The following PTPRT variants were observed in gnomAD, a reference collection of about 807,000 sequenced individuals.
PTPRT encodes receptor-type tyrosine-protein phosphatase T.
In PTPRT, 56 loss-of-function variants were observed where a neutral mutation model predicts 176.8. The ratio of observed to expected loss-of-function variants is 0.32; its 90% CI spans 0.26 to 0.40. The LOEUF (loss-of-function observed/expected upper bound fraction) is 0.40, where lower values mean the gene tolerates loss of function less well. Ranked by LOEUF, PTPRT falls within the 10% of genes least tolerant of loss-of-function variation. The pLI is 1.00. For missense variants in PTPRT, 1,540 were observed against 1,908.2 expected, an observed-to-expected ratio of 0.81 and a Z score of 3.60; for synonymous variants, 783 against 739.0, an observed-to-expected ratio of 1.06 and a Z score of -0.96.
At chr20:42,756,921 C>T (rs1203889953) in intron 5 of PTPRT, among the ~76,000 whole-genome samples, 2 of 151,958 alleles carry the variant, frequency 1.3e-5, no homozygotes, top group Non-Finnish European at 2.9e-5. Flanking sequence ...CATGGTGGCA[C>T]TCATCTTCAG....
the PTPRT span, among the ~76,000 whole-genome samples, chr20:42,065,740 T>C: frequency 6.6e-6 from 1 of 152,204 alleles, no homozygotes; most frequent in Admixed American, 6.5e-5. Context: ...CTCCAGCTAA[T>C]TACAAGGAGG....
At chr20:42,379,449 C>T (rs547152121) in intron 9 of PTPRT, among the ~76,000 whole-genome samples, 1 of 152,224 alleles carries the variant, frequency 6.6e-6, no homozygotes, top group South Asian at 2.1e-4. Flanking sequence ...TAATCATCAT[C>T]TCATGGGGAG....
intron 2 of PTPRT, among the ~76,000 whole-genome samples, chr20:42,864,340 G>C (rs1259534940): frequency 6.6e-6 from 1 of 152,196 alleles, no homozygotes; most frequent in Non-Finnish European, 1.5e-5. Flanking sequence ...AGAGAGAGGA[G>C]GGGAGAGGGG....
At chr20:42,811,093 C>T (rs932412165) in intron 2 of PTPRT, among the ~76,000 whole-genome samples, 1 of 152,020 alleles carries the variant, frequency 6.6e-6, no homozygotes, top group Non-Finnish European at 1.5e-5. Flanking sequence ...ATTTGCTTTC[C>T]CTTTTTATTT....
At chr20:42,393,067 A>G (rs2058816103) in intron 9 of PTPRT, among the ~76,000 whole-genome samples, 1 of 152,170 alleles carries the variant, frequency 6.6e-6, no homozygotes, top group Non-Finnish European at 1.5e-5. Context: ...AGCAAGATCT[A>G]TTTTGTAACG....
At chr20:42,071,854 T>A (rs1251212540), downstream of PTPRT, among the ~76,000 whole-genome samples, 1 of 151,788 alleles carries the variant, frequency 6.6e-6, no homozygotes, top group Non-Finnish European at 1.5e-5. Context: ...AGATAAGGTC[T>A]CATTATGTTG....
chr20:43,003,497 C>T (rs768691976), intron 1 of PTPRT, among the ~76,000 whole-genome samples: 7 of 152,218 alleles, frequency 4.6e-5, no homozygotes, highest in Non-Finnish European at 7.3e-5. Context: ...AAACCACGCC[C>T]AGCCTCTTGT....
intron 7 of PTPRT, among the ~76,000 whole-genome samples, chr20:42,613,097 T>G (rs1210977419): frequency 1.3e-5 from 2 of 152,226 alleles, no homozygotes; most frequent in African/African-American, 2.4e-5. Context: ...AGCAAAAACT[T>G]TTTTTGAAAA....
intron 15 of PTPRT, among the ~76,000 whole-genome samples, chr20:42,215,204 A>T (rs1187202459): frequency 1.3e-5 from 2 of 152,104 alleles, no homozygotes; most frequent in African/African-American, 4.8e-5. Flanking sequence ...TGGGTTGGGG[A>T]GATGGCCCCT....
At chr20:42,232,121 C>G (rs1162435801) in intron 15 of PTPRT, among the ~76,000 whole-genome samples, 4 of 152,198 alleles carry the variant, frequency 2.6e-5, no homozygotes, top group African/African-American at 9.7e-5. Flanking sequence ...CCTATATACC[C>G]AGAACCTTGT....
intron 19 of PTPRT, among the ~76,000 whole-genome samples, chr20:42,124,071 GACC>G (rs969461781): frequency 2.6e-5 from 4 of 152,142 alleles, no homozygotes; most frequent in Non-Finnish European, 4.4e-5. Flanking sequence ...TGAGTAAAGA[GACC>G]CTCCTTGGCT....
the PTPRT span, among the ~76,000 whole-genome samples, chr20:42,042,086 C>T: frequency 1.3e-5 from 2 of 152,162 alleles, no homozygotes; most frequent in Non-Finnish European, 2.9e-5. Context: ...TGGCTTCATC[C>T]AGCTATTACT....
chr20:42,400,193 TG>T (rs3092420), intron 9 of PTPRT, among the ~76,000 whole-genome samples: 55,569 of 151,972 alleles, frequency 0.37, 10,989 homozygotes, highest in Admixed American at 0.5. Context: ...AACTGATCAT[TG>T]ATTTTTAAGG....
intron 7 of PTPRT, among the ~76,000 whole-genome samples, chr20:42,486,376 C>T (rs2071464507): frequency 6.6e-6 from 1 of 152,212 alleles, no homozygotes; most frequent in African/African-American, 2.4e-5. Context: ...GCCTTTTCCA[C>T]TTTCCATCTT....
intron 1 of PTPRT, among the ~76,000 whole-genome samples, chr20:43,175,633 CG>C (rs2015109469): frequency 1.0e-5 from 1 of 98,194 alleles, no homozygotes; most frequent in Non-Finnish European, 2.5e-5. Flanking sequence ...GGCAACAGAG[CG>C]AGACTCCGGG....
At chr20:42,696,252 C>T (rs1332345124) in intron 6 of PTPRT, among the ~76,000 whole-genome samples, 1 of 150,636 alleles carries the variant, frequency 6.6e-6, no homozygotes, top group Non-Finnish European at 1.5e-5. Context: ...TATTTCTCTC[C>T]TCCTGTCCCC....
intron 2 of PTPRT, among the ~76,000 whole-genome samples, chr20:42,884,516 T>C (rs1452832277): frequency 6.6e-6 from 1 of 151,988 alleles, no homozygotes; most frequent in East Asian, 1.9e-4. Context: ...AGCTGGGCAG[T>C]GGGTTGTGTA....
At chr20:42,456,638 T>C (rs2070930212) in intron 8 of PTPRT, among the ~76,000 whole-genome samples, 1 of 152,130 alleles carries the variant, frequency 6.6e-6, no homozygotes, top group Non-Finnish European at 1.5e-5. Flanking sequence ...CCTAGTATGT[T>C]ACTGTAGCAA....
intron 29 of PTPRT, among the ~76,000 whole-genome samples, chr20:42,082,360 A>G (rs1983417224): frequency 6.6e-6 from 1 of 152,240 alleles, no homozygotes; most frequent in Non-Finnish European, 1.5e-5. Flanking sequence ...CCCAAACCCC[A>G]AGGGCAGGAT....
Sources: gnomAD v4.1 joint callset for allele counts (sites outside exome capture counted in the v4.1 genomes callset) on GRCh38, gnomAD v4.1.1 for gene constraint, MANE v1.5 for transcripts, NCBI Gene and HGNC (gene_info 2026-07-23, HGNC 2026-07-21) for gene names.